SGCZ: variants seen among roughly 807,000 people sequenced by gnomAD.
SGCZ encodes the protein zeta-sarcoglycan.
A neutral mutation model predicts 41.3 loss-of-function variants in SGCZ; 40 were observed. The ratio of observed to expected loss-of-function variants is 0.97; its 90% confidence interval spans 0.75 to 1.26. The LOEUF (loss-of-function observed/expected upper bound fraction) is 1.26, where lower values mean the gene tolerates loss of function less well. SGCZ is among the 50% of genes most tolerant of loss of function. The pLI is 0.00. For missense variants in SGCZ, 552 were observed against 369.8 expected, an observed-to-expected ratio of 1.49 and a Z score of -4.04; for synonymous variants, 206 against 137.5, an observed-to-expected ratio of 1.50 and a Z score of -3.49.
At chr8:14,832,563 C>T (rs1182167574) in intron 1 of SGCZ, among the ~76,000 whole-genome samples, 2 of 152,042 alleles carry the variant, frequency 1.3e-5, no homozygotes, top group Admixed American at 6.6e-5. Flanking sequence ...AAAAAGCTAA[C>T]ACATATACTT....
At chr8:15,108,956 CT>C (rs1165744981) in intron 1 of SGCZ, among the ~76,000 whole-genome samples, 1 of 152,108 alleles carries the variant, frequency 6.6e-6, no homozygotes, top group African/African-American at 2.4e-5. Flanking sequence ...GTGAAAACGA[CT>C]GCAAAAATAG....
At chr8:14,802,863 G>A (rs890292891) in intron 1 of SGCZ, among the ~76,000 whole-genome samples, 1 of 152,090 alleles carries the variant, frequency 6.6e-6, no homozygotes, top group Non-Finnish European at 1.5e-5. Context: ...CCTGTTACAG[G>A]CACTCAACTC....
At chr8:14,981,491 G>A (rs1386509580) in intron 1 of SGCZ, among the ~76,000 whole-genome samples, 2 of 152,128 alleles carry the variant, frequency 1.3e-5, no homozygotes, top group South Asian at 4.1e-4. Flanking sequence ...GGGAAACCTG[G>A]CTTCATTTCG....
At chr8:15,105,297 G>T (rs1387981568) in intron 1 of SGCZ, among the ~76,000 whole-genome samples, 1 of 152,096 alleles carries the variant, frequency 6.6e-6, no homozygotes, top group African/African-American at 2.4e-5. Context: ...TCCCCCTACA[G>T]ATGTGTATTA....
At chr8:15,078,191 C>G (rs1805614275) in intron 1 of SGCZ, among the ~76,000 whole-genome samples, 1 of 135,520 alleles carries the variant, frequency 7.4e-6, no homozygotes, top group East Asian at 2.3e-4. Context: ...AATGAATCCA[C>G]CCTCCTCACC....
Position 14,150,972 on chromosome 8 carries a change from CACA to C in SGCZ, c.547+13605_547+13607del, listed in dbSNP as rs1050042789. On this transcript the variant is annotated intron_variant, in intron 5 of 7. Transcript: ENST00000382080. ...TCACTTATTTGTGGGACCTAAAAAT[CACA>C]ACAATTGTACTCATGAACATAGTAA... is the stretch of plus-strand genomic sequence containing the variant. Among the ~76,000 whole-genome samples the C allele has an allele frequency of 2.0e-5, 3 of 152,004 alleles. No homozygotes were observed. The East Asian group carries it at 5.8e-4, about 29-fold the overall frequency.
At chr8:15,198,711 C>A (rs532506525) in intron 1 of SGCZ, among the ~76,000 whole-genome samples, 1 of 152,294 alleles carries the variant, frequency 6.6e-6, no homozygotes, top group East Asian at 1.9e-4. Flanking sequence ...TGTGAGGCTA[C>A]ACTGTGCCAG....
chr8:14,673,500 G>A (rs1218971629), intron 1 of SGCZ, among the ~76,000 whole-genome samples: 1 of 151,872 alleles, frequency 6.6e-6, no homozygotes, highest in South Asian at 2.1e-4. Flanking sequence ...TCTGAAGTAG[G>A]TGCCTGCTTC....
chr8:14,520,841 T>G (rs1184013725), intron 2 of SGCZ, among the ~76,000 whole-genome samples: 1 of 152,128 alleles, frequency 6.6e-6, no homozygotes, highest in Non-Finnish European at 1.5e-5. Flanking sequence ...TCTCACGCTC[T>G]CTAATAACAG....
chr8:14,593,002 T>C (rs1422250815), intron 1 of SGCZ, among the ~76,000 whole-genome samples: 1 of 152,180 alleles, frequency 6.6e-6, no homozygotes, highest in Non-Finnish European at 1.5e-5. Context: ...TCTGACTTAG[T>C]GCCTTTACAT....
chr8:15,172,161 T>TATTTATTTATTTA, intron 1 of SGCZ, among the ~76,000 whole-genome samples: 1 of 73,666 alleles, frequency 1.4e-5, no homozygotes, highest in East Asian at 3.2e-4. Context: ...TCTGTTTTTT[T>TATTTATTTATTTA]TTTTTTTTTT....
chr8:14,808,160 C>T (rs1311546667), intron 1 of SGCZ, among the ~76,000 whole-genome samples: 1 of 152,172 alleles, frequency 6.6e-6, no homozygotes, highest in Non-Finnish European at 1.5e-5. Context: ...CCATTCAGGA[C>T]ATAGGCATGG....
intron 2 of SGCZ, among the ~76,000 whole-genome samples, chr8:14,543,260 C>T (rs951415349): frequency 3.3e-5 from 5 of 151,998 alleles, no homozygotes; most frequent in African/African-American, 9.7e-5. Flanking sequence ...TTCTTTCAGA[C>T]TTTCTCTATT....
At chr8:14,595,957 A>T (rs1409973588) in intron 1 of SGCZ, among the ~76,000 whole-genome samples, 1 of 152,196 alleles carries the variant, frequency 6.6e-6, no homozygotes, top group East Asian at 1.9e-4. Flanking sequence ...TTTAAAATGG[A>T]TGGAAAATGC....
At chr8:14,697,372 A>C (rs1808998278) in intron 1 of SGCZ, among the ~76,000 whole-genome samples, 1 of 152,078 alleles carries the variant, frequency 6.6e-6, no homozygotes, top group Admixed American at 6.6e-5. Flanking sequence ...TAAATGAAAC[A>C]ATTCACATCA....
At chr8:15,223,973 G>T (rs1801690795) in intron 1 of SGCZ, among the ~76,000 whole-genome samples, 1 of 152,056 alleles carries the variant, frequency 6.6e-6, no homozygotes, top group Non-Finnish European at 1.5e-5. Context: ...TCCTGCCTCA[G>T]CCTTCCCAGT....
chr8:14,962,836 T>C (rs1172499643), intron 1 of SGCZ, among the ~76,000 whole-genome samples: 1 of 152,170 alleles, frequency 6.6e-6, no homozygotes, highest in African/African-American at 2.4e-5. Flanking sequence ...CAAGGGAGCT[T>C]GAATCATTTC....
chr8:15,073,979 T>G (rs1408740744), intron 1 of SGCZ, among the ~76,000 whole-genome samples: 1 of 152,280 alleles, frequency 6.6e-6, no homozygotes, highest in East Asian at 1.9e-4. Flanking sequence ...TAGTTTAACT[T>G]TAAAGCAAGG....
At chr8:14,801,774 C>A (rs987289529) in intron 1 of SGCZ, among the ~76,000 whole-genome samples, 3 of 152,020 alleles carry the variant, frequency 2.0e-5, no homozygotes, top group Non-Finnish European at 4.4e-5. Context: ...GACAAAAAAT[C>A]AAAATGTTCT....
Sources: gnomAD v4.1 joint callset for allele counts (sites outside exome capture counted in the v4.1 genomes callset) on GRCh38, gnomAD v4.1.1 for gene constraint, MANE v1.5 for transcripts, NCBI Gene and HGNC (gene_info 2026-07-23, HGNC 2026-07-21) for gene names.